KCNAB2: variants seen among roughly 807,000 people sequenced by gnomAD.
The protein encoded by KCNAB2 is potassium voltage-gated channel subfamily A regulatory beta subunit 2.
In KCNAB2, 29 loss-of-function variants were observed where a neutral mutation model predicts 63.6. The ratio of observed to expected loss-of-function variants is 0.46; its 90% confidence interval spans 0.34 to 0.62. The LOEUF is 0.62. Among genes scored for constraint, KCNAB2 ranks in the 20% least tolerant of loss-of-function variants. The probability of loss-of-function intolerance (pLI) is 0.01; values close to 1 mark genes in which losing one functional copy is unlikely to be tolerated. For missense variants in KCNAB2, 359 were observed against 563.9 expected (o/e 0.64, Z 3.68); for synonymous variants, 222 against 224.2 (o/e 0.99, Z 0.09).
At chr1:6,094,211 A>G (rs935158265) in intron 10 of KCNAB2, among the ~76,000 whole-genome samples, 189 bp from the exon 11 acceptor site, 2 of 152,158 alleles carry the variant, frequency 1.3e-5, no homozygotes, top group Non-Finnish European at 2.9e-5. Flanking sequence ...ATTGTGGTTC[A>G]CTTTTCTCTT....
At position 6,096,835 on chromosome 1, in the gene KCNAB2, G is replaced by T. The variant is rs1217264523; in HGVS notation, c.1069+79G>T. 15 of 1,451,632 alleles carry T rather than the reference G, an allele frequency of 1.0e-5. No individual in the cohort carries two copies. The highest frequency in any genetic ancestry group is 1.4e-5 in the Non-Finnish European group (15 of 1,090,924). 89.9% of individuals were successfully genotyped at this position (1,451,632 alleles called of 1,614,324 possible). A position where few individuals can be genotyped will look rare whatever the true frequency, so the allele number is the denominator to read the frequency against. ...TGGCCGTAGGTAACAGGGTGGGGTTGCCATGGGGCCAGTGTCTCCGGGGAG... is the reference window on the plus strand; with the variant it reads ...TGGCCGTAGGTAACAGGGTGGGGTTTCCATGGGGCCAGTGTCTCCGGGGAG... On this transcript the variant is annotated intron_variant, in intron 14 of 15. Coordinates refer to ENST00000378083, the MANE Select transcript of KCNAB2 (RefSeq NM_001199862.2). The surrounding 1 kb of genome is among the most constrained non-coding windows in gnomAD (Gnocchi z 5.9).
At chr1:6,097,668 C>T in intron 15 of KCNAB2, 2 of 566,508 alleles carry the variant, frequency 3.5e-6, no homozygotes, top group Non-Finnish European at 6.3e-6. Context: ...GGGGGCCTGT[C>T]AGGTGGGCTT....
chr1:5,993,451 T>A (rs554352735), intron 1 of KCNAB2, among the ~76,000 whole-genome samples: 1 of 152,286 alleles, frequency 6.6e-6, no homozygotes, highest in Non-Finnish European at 1.5e-5. Context: ...CCTGAGCCCC[T>A]ACTCCTATCT....
chr1:6,072,907 C>A, intron 3 of KCNAB2, 109 bp downstream of exon 3: 1 of 1,015,074 alleles, frequency 9.9e-7, no homozygotes. Context: ...AACCTTGGCA[C>A]TCCCCAGGGA....
chr1:6,094,169 C>T (rs1249358544), intron 10 of KCNAB2, among the ~76,000 whole-genome samples: 1 of 152,156 alleles, frequency 6.6e-6, no homozygotes, highest in Non-Finnish European at 1.5e-5. Context: ...TGTAACCAGT[C>T]GGGGAAATTG....
chr1:6,085,267 G>A lies in KCNAB2; in HGVS notation c.425+19G>A. On this transcript the variant is annotated intron_variant, in intron 6 of 15. Transcript: ENST00000378083. ...GATGGAGGTAACGGCCCTGCTCTCTGCGGCCTGTCCCTGGGGTGGGTGCGG... is the reference window on the plus strand; with the variant it reads ...GATGGAGGTAACGGCCCTGCTCTCTACGGCCTGTCCCTGGGGTGGGTGCGG... 6.2e-7 allele frequency: 1 copy of A among 1,612,490 alleles called. No individual in the cohort carries two copies. Among genetic ancestry groups the A allele is most frequent in the Non-Finnish European group, 8.5e-7 (1 of 1,178,560 alleles).
At chr1:6,038,604 T>C (rs1196417739) in intron 1 of KCNAB2, among the ~76,000 whole-genome samples, 1 of 152,084 alleles carries the variant, frequency 6.6e-6, no homozygotes, top group Non-Finnish European at 1.5e-5. Context: ...CTGGTCCCAT[T>C]TTACCAGCAG....
rs981102052 is a variant in KCNAB2 at position 6,074,999 on chromosome 1, C to G, written c.300+1229C>G. On this transcript the variant is annotated intron_variant, in intron 4 of 15. Coordinates refer to ENST00000378083, the MANE Select transcript of KCNAB2 (RefSeq NM_001199862.2). The surrounding 1 kb of genome is among the most constrained non-coding windows in gnomAD (Gnocchi z 4.9). ...ATAGCTGGTTATAGAATGATTTGCC[C>G]CTTGCTTTGAAGTTGCTGGATAGGC... 2.0e-5 allele frequency among the ~76,000 whole-genome samples: 3 copies of G among 151,928 alleles called. No homozygotes were observed. The highest frequency in any genetic ancestry group is 7.3e-5 in the African/African-American group (3 of 41,336).
In KCNAB2 at chr1:6,074,053, C is replaced by T. The variant is rs1337433931; in HGVS notation, c.300+283C>T. On this transcript the variant is annotated intron_variant, in intron 4 of 15. Transcript: ENST00000378083. The surrounding 1 kb of genome is among the most constrained non-coding windows in gnomAD (Gnocchi z 4.9). ...CTCCCCAGGACTCAGATTTCCCACA[C>T]GCGTGACCCCCATTCCACAGTTAAC... is the stretch of plus-strand genomic sequence containing the variant. Among the ~76,000 whole-genome samples the T allele has an allele frequency of 1.3e-5, 2 of 152,222 alleles. No individual in the cohort carries two copies. Among genetic ancestry groups the T allele is most frequent in the African/African-American group, 2.4e-5 (1 of 41,448 alleles).
At chr1:6,007,559 C>T (rs1456611153) in intron 1 of KCNAB2, 1 of 152,464 alleles carries the variant, frequency 6.6e-6, no homozygotes, top group Non-Finnish European at 1.5e-5. Flanking sequence ...CTGAGTCAGG[C>T]TCTGAAACGC....
At position 6,095,665 on chromosome 1, in the gene KCNAB2, G is replaced by A. The variant is rs201240733; in HGVS notation, c.948+41G>A. ...GGTGGGGAGGGACGGGCAGGGGATA[G>A]GCATTTTGGACGGGTGGGACCTTTG... On this transcript the variant is annotated intron_variant, in intron 13 of 15. Coordinates refer to ENST00000378083, the MANE Select transcript of KCNAB2 (RefSeq NM_001199862.2). 3.1e-6 allele frequency: 5 copies of A among 1,591,586 alleles called. No individual in the cohort carries two copies. In the East Asian group the frequency reaches 1.1e-4, roughly 36 times the overall value.
intron 5 of KCNAB2, among the ~76,000 whole-genome samples, chr1:6,083,008 C>T (rs1009621725): frequency 1.3e-5 from 2 of 152,182 alleles, no homozygotes; most frequent in Non-Finnish European, 2.9e-5. Context: ...GCCCAGAGCA[C>T]CCGGCGGCAG....
At chr1:6,041,824 T>C (rs1660525903), upstream of KCNAB2, 3 of 1,612,726 alleles carry the variant, frequency 1.9e-6, no homozygotes, top group Non-Finnish European at 2.5e-6. Flanking sequence ...TCCATTGCTG[T>C]CCGAAGTACT....
chr1:6,095,357 C>T lies in KCNAB2; in HGVS notation c.767C>T (p.Thr256Ile). Residue 256 changes from threonine (T) to isoleucine (I), a missense_variant, in exon 12 of 16, where the codon ACC becomes ATC. By Grantham distance (89) the Thr-to-Ile change is moderately conservative. Transcript: ENST00000378083. Reference protein sequence around the residue: ...AYSVARQFNLTPPICEQAEYH... With the variant: ...AYSVARQFNLIPPICEQAEYH... The stretch of plus-strand genomic sequence containing the variant: ...TCCGTGGCCCGGCAGTTCAACCTGA[C>T]CCCGCCCATCTGCGAGCAGGCTGAG... 1 of 1,612,978 alleles carries T rather than the reference C, an allele frequency of 6.2e-7. No individual in the cohort carries two copies. The highest frequency in any genetic ancestry group is 8.5e-7 in the Non-Finnish European group (1 of 1,179,996).
intron 8 of KCNAB2, 37 bp from the exon 9 acceptor site, chr1:6,090,352 C>G: frequency 6.7e-7 from 1 of 1,494,840 alleles, no homozygotes; most frequent in Non-Finnish European, 9.3e-7. Context: ...GAGATGGAGC[C>G]ACAGCAGTGA....
In KCNAB2 at chr1:6,046,176, G is replaced by A. The variant is rs1660906748; in HGVS notation, c.-34G>A. On this transcript the variant is annotated 5_prime_UTR_variant, in exon 1 of 16. Transcript: ENST00000378083. ...CTTTTTAACGAGCAGACGCCCCCAC[G>A]AAGGCAGGTGAGTCCTCCCTTCAGC... 10 of 985,298 alleles carry A rather than the reference G, an allele frequency of 1.0e-5. No individual in the cohort carries two copies. The highest frequency in any genetic ancestry group is 4.7e-5 in the South Asian group (1 of 21,290). The allele number at this position is 985,298 out of a possible 1,614,324, so 61.0% of individuals were successfully genotyped here. A position where few individuals can be genotyped will look rare whatever the true frequency, so the allele number is the denominator to read the frequency against.
chr1:6,085,290 C>T (rs778781829), intron 6 of KCNAB2, 42 bp downstream of exon 6: 11 of 1,580,530 alleles, frequency 7.0e-6, no homozygotes, highest in East Asian at 4.5e-5. Context: ...GGGGTGGGTG[C>T]GGGCGAACTA....
chr1:6,096,329 G>T lies in KCNAB2; in HGVS notation c.949-307G>T. 2.2e-6 allele frequency: 1 copy of T among 452,360 alleles called. No homozygotes were observed. The highest frequency in any genetic ancestry group is 2.1e-5 in the South Asian group (1 of 48,604). 28.0% of individuals were successfully genotyped at this position (452,360 alleles called of 1,614,324 possible). On this transcript the variant is annotated intron_variant, in intron 13 of 15. Coordinates refer to ENST00000378083, the MANE Select transcript of KCNAB2 (RefSeq NM_001199862.2). The surrounding 1 kb of genome is among the most constrained non-coding windows in gnomAD (Gnocchi z 5.9). ...GGCAGCCGAGACCCCAGGCTGCCAA[G>T]TTTCCTAAGAGAAGGAAGGCCAGCA...
chr1:6,085,904 C>T (rs963133089), intron 6 of KCNAB2: 1 of 986,066 alleles, frequency 1.0e-6, no homozygotes, highest in African/African-American at 1.7e-5. Context: ...GGGAAGTGGT[C>T]CCCTCCAGCA....
Sources: allele counts gnomAD v4.1 joint callset (sites outside exome capture counted in the v4.1 genomes callset), GRCh38; gene constraint gnomAD v4.1.1; non-coding constraint Gnocchi (gnomAD v3.1); transcripts MANE v1.5; gene names NCBI Gene and HGNC (gene_info 2026-07-23, HGNC 2026-07-21).